NEB: variants seen among roughly 807,000 people sequenced by gnomAD.
NEB encodes the protein nemaline myopathy type 2.
NEB carries 512 observed loss-of-function variants against 952.2 expected under a neutral mutation model. The ratio of observed to expected loss-of-function variants is 0.54; its 90% CI spans 0.50 to 0.58. The LOEUF (loss-of-function observed/expected upper bound fraction) is 0.58, where lower values mean the gene tolerates loss of function less well. Among genes scored for constraint, NEB ranks in the 20% least tolerant of loss-of-function variants. NEB has a pLI of 0.00. For missense variants in NEB, 8,428 were observed against 9,231.1 expected (o/e 0.91, Z 3.56); for synonymous variants, 2,900 against 3,149.8 (o/e 0.92, Z 2.66).
Position 151,617,472 on chromosome 2 carries a change from C to CAAAAAAAAAAAAAAAAAGAAAA in NEB, c.11077-5_11077-4insTTTTCTTTTTTTTTTTTTTTTT. On this transcript the variant is annotated splice_region_variant and splice_polypyrimidine_tract_variant and intron_variant, in intron 74 of 181. Coordinates refer to ENST00000397345, the MANE Select transcript of NEB (RefSeq NM_001164508.2). ...CCCAGGCTTCAGTATATAAGCGCTACAAAAAAAAAAAAAAAAGAGAGAGAG... is the reference window on the plus strand; with the variant it reads ...CCCAGGCTTCAGTATATAAGCGCTACAAAAAAAAAAAAAAAAAGAAAAAAAAAAAAAAAAAAAAGAGAGAGAG... 1 of 814,156 alleles carries CAAAAAAAAAAAAAAAAAGAAAA rather than the reference C, an allele frequency of 1.2e-6. No individual in the cohort carries two copies. The highest frequency in any genetic ancestry group is 2.7e-5 in the African/African-American group (1 of 37,470). 50.4% of individuals were successfully genotyped at this position (814,156 alleles called of 1,614,324 possible).
At chr2:151,637,994 C>G (rs2098793901) in intron 63 of NEB, among the ~76,000 whole-genome samples, 1 of 152,104 alleles carries the variant, frequency 6.6e-6, no homozygotes, top group South Asian at 2.1e-4. Context: ...TGGCACAAAG[C>G]CAGGTGAAAT....
intron 8 of NEB, among the ~76,000 whole-genome samples, chr2:151,723,746 CTTTGTTTTTTTTTTTT>C (rs2099781781): frequency 1.8e-5 from 1 of 55,914 alleles, no homozygotes; most frequent in African/African-American, 7.3e-5. Flanking sequence ...TACCTGCCTT[CTTTGTTTTTTTTTTTT>C]TTTTTTTTTT....
chr2:151,581,619 A>C (rs2097095986), intron 102 of NEB, 32 bp from the exon 103 acceptor site: 1 of 1,045,508 alleles, frequency 9.6e-7, no homozygotes, highest in Admixed American at 2.0e-5. Flanking sequence ...GGAATGGTCA[A>C]TTAGTAAATA....
chr2:151,644,410 A>G, intron 56 of NEB, 58 bp downstream of exon 56: 1 of 1,449,040 alleles, frequency 6.9e-7, no homozygotes, highest in East Asian at 2.3e-5. Context: ...TTAAATTGAG[A>G]CTGCTTTGAA....
chr2:151,660,853 G>A (rs1048255270), intron 46 of NEB, among the ~76,000 whole-genome samples: 1 of 152,184 alleles, frequency 6.6e-6, no homozygotes, highest in Admixed American at 6.5e-5. Flanking sequence ...GAAATGTTCT[G>A]CATAATCCAA....
Position 151,489,668 on chromosome 2 carries a change from A to AT in NEB, c.25404+302dup, listed in dbSNP as rs546864597. 2.0e-5 allele frequency among the ~76,000 whole-genome samples: 3 copies of AT among 152,322 alleles called. No individual in the cohort carries two copies. In the South Asian group the frequency reaches 6.2e-4, roughly 32 times the overall value. On this transcript the variant is annotated intron_variant, in intron 181 of 181. Transcript: ENST00000397345. ...TGCATCAGCGTCCCAAAGTGCTGGC[A>AT]TTATAGGCATGATTCACTATGCCCA...
intron 64 of NEB, among the ~76,000 whole-genome samples, 161 bp from the exon 65 acceptor site, chr2:151,634,126 T>C (rs1387817500): frequency 1.3e-5 from 2 of 151,864 alleles, no homozygotes; most frequent in East Asian, 1.9e-4. Flanking sequence ...CTTACAGAGG[T>C]AGAAAAATAG....
chr2:151,695,553 A>G (rs537748753), intron 18 of NEB, 25 bp downstream of exon 18: 186 of 1,543,150 alleles, frequency 1.2e-4, no homozygotes, highest in South Asian at 1.5e-4. Flanking sequence ...AGTACATCAC[A>G]TGGTACAGGG....
At chr2:151,716,370 C>A (rs1279620131) in intron 10 of NEB, among the ~76,000 whole-genome samples, 3 of 152,154 alleles carry the variant, frequency 2.0e-5, no homozygotes, top group Admixed American at 1.3e-4. Context: ...GAATTCCTGA[C>A]AGGTGATCAA....
intron 55 of NEB, among the ~76,000 whole-genome samples, chr2:151,645,469 G>A (rs1035546099): frequency 3.3e-5 from 5 of 152,106 alleles, no homozygotes; most frequent in African/African-American, 1.2e-4. Context: ...GAAAGAATTT[G>A]TTTTTTCAGA....
Position 151,491,726 on chromosome 2 carries a change from T to C in NEB, c.25107A>G (p.Pro8369=), listed in dbSNP as rs763433145. 3.4e-5 allele frequency: 55 copies of C among 1,598,708 alleles called. 1 individual carries two copies. In the East Asian group the frequency reaches 1.2e-3, roughly 34 times the overall value. Residue 8369 remains proline, a synonymous_variant, in exon 179 of 182, where the codon CCA becomes CCG. Coordinates refer to ENST00000397345, the MANE Select transcript of NEB (RefSeq NM_001164508.2). Reference sequence around the variant, plus strand: ...TTCGGGACTGGATGTTGTCTTCTGCTGGATCATAGTCAAAAACCGAACCAG... The same window carrying C: ...TTCGGGACTGGATGTTGTCTTCTGCCGGATCATAGTCAAAAACCGAACCAG... ...TNPGSVFDYD[P]AEDNIQSRSL...
intron 13 of NEB, among the ~76,000 whole-genome samples, chr2:151,702,978 G>C (rs2099682322): frequency 6.6e-6 from 1 of 152,120 alleles, no homozygotes; most frequent in East Asian, 1.9e-4. Flanking sequence ...ATTTGGGCAT[G>C]ATTTTGCAGT....
chr2:151,631,373 T>G (rs765456311), intron 65 of NEB, 27 bp from the exon 66 acceptor site: 1 of 1,593,822 alleles, frequency 6.3e-7, no homozygotes, highest in South Asian at 1.1e-5. Flanking sequence ...AGTCAAAAAC[T>G]CTTCATCAAG....
intron 153 of NEB, among the ~76,000 whole-genome samples, chr2:151,523,224 A>G (rs1014072505): frequency 1.3e-5 from 2 of 152,190 alleles, no homozygotes; most frequent in Non-Finnish European, 2.9e-5. Flanking sequence ...AAATACTTAT[A>G]CAATTCCATT....
intron 166 of NEB, 169 bp from the exon 167 acceptor site, chr2:151,503,054 A>G (rs1197923482): frequency 1.7e-5 from 10 of 590,178 alleles, no homozygotes; most frequent in Admixed American, 3.4e-5. Context: ...GAACTCTACA[A>G]TGCTAATTCT....
chr2:151,525,555 A>G (rs965581914), intron 150 of NEB, among the ~76,000 whole-genome samples: 1 of 152,232 alleles, frequency 6.6e-6, no homozygotes, highest in Non-Finnish European at 1.5e-5. Flanking sequence ...TGGGACTCAT[A>G]TAATACCAAG....
chr2:151,626,018 T>G (rs1560601660), intron 70 of NEB, among the ~76,000 whole-genome samples: 1 of 152,218 alleles, frequency 6.6e-6, no homozygotes, highest in Non-Finnish European at 1.5e-5. Flanking sequence ...TTTATTTGTT[T>G]GATGCTGTTT....
At chr2:151,559,348 G>C (rs2095869298) in intron 124 of NEB, among the ~76,000 whole-genome samples, 1 of 152,212 alleles carries the variant, frequency 6.6e-6, no homozygotes, top group Non-Finnish European at 1.5e-5. Context: ...TGGTGGGAGT[G>C]TAAACTAGTT....
At chr2:151,500,644 T>TGGA (rs2063764426) in intron 168 of NEB, among the ~76,000 whole-genome samples, 1 of 146,536 alleles carries the variant, frequency 6.8e-6, no homozygotes, top group Non-Finnish European at 1.5e-5. Flanking sequence ...TTGCCTAGGC[T>TGGA]GGAGTACAGT....
Sources: allele counts gnomAD v4.1 joint callset (sites outside exome capture counted in the v4.1 genomes callset), GRCh38; gene constraint gnomAD v4.1.1; transcripts MANE v1.5; gene names NCBI Gene and HGNC (gene_info 2026-07-23, HGNC 2026-07-21).